Variants in EMSY observed in about 807,000 individuals in gnomAD.
EMSY encodes the protein BRCA2-interacting transcriptional repressor EMSY.
In EMSY, 26 loss-of-function variants were observed where a neutral mutation model predicts 134.6. The ratio of observed to expected loss-of-function variants is 0.19; its 90% CI spans 0.14 to 0.27. The LOEUF is 0.27. EMSY is among the 10% of genes least tolerant of loss of function. EMSY has a pLI of 1.00. For synonymous variants in EMSY, 579 were observed against 577.8 expected, an observed-to-expected ratio of 1.00 and a Z score of -0.03; for missense variants, 1,305 against 1,611.4, an observed-to-expected ratio of 0.81 and a Z score of 3.26.
intron 9 of EMSY, among the ~76,000 whole-genome samples, chr11:76,502,779 G>T (rs1260538647): frequency 6.6e-6 from 1 of 152,014 alleles, no homozygotes; most frequent in Non-Finnish European, 1.5e-5. Flanking sequence ...AACATTGAAA[G>T]AAATTAAAGA....
Position 76,544,356 on chromosome 11 carries a change from G to C in EMSY, c.2807G>C (p.Gly936Ala), listed in dbSNP as rs774216460. The change falls in exon 19 of 21, where the codon GGT becomes GCT. Residue 936 changes from glycine to alanine, a missense_variant. Physicochemically the swap from Gly to Ala is moderately conservative, Grantham distance 60 (BLOSUM62 0). Transcript: ENST00000334736. ...ATGGACACTTTAGACCCTCAGACAG[G>C]TCTGTTTTACCGATCTGCCCTGACT... 3 of 1,614,016 alleles carry C rather than the reference G, an allele frequency of 1.9e-6. No individual in the cohort carries two copies. The Admixed American group carries it at 5.0e-5, about 27-fold the overall frequency.
chr11:76,455,473 A>G (rs952587814), intron 4 of EMSY, among the ~76,000 whole-genome samples: 4 of 152,040 alleles, frequency 2.6e-5, no homozygotes, highest in East Asian at 1.9e-4. Context: ...AAGATTATCT[A>G]TAGGAGGGCT....
intron 14 of EMSY, 68 bp from the exon 16 acceptor site, chr11:76,535,823 ATTGT>A (rs895287930): frequency 5.3e-5 from 60 of 1,133,220 alleles, no homozygotes; most frequent in Admixed American, 3.2e-4. Flanking sequence ...AGACAAAAAA[ATTGT>A]TTGTTTTTTT....
intron 18 of EMSY, among the ~76,000 whole-genome samples, chr11:76,542,753 G>GTTTTTTGTTTTTTTTTTTTTTT (rs749234059): frequency 1.1e-4 from 12 of 109,218 alleles, no homozygotes; most frequent in South Asian, 2.9e-4. Context: ...TTCGTTTTTT[G>GTTTTTTGTTTTTTTTTTTTTTT]TTTTTTTTTT....
intron 4 of EMSY, among the ~76,000 whole-genome samples, chr11:76,455,289 T>G (rs1947824660): frequency 6.6e-6 from 1 of 152,170 alleles, no homozygotes; most frequent in Admixed American, 6.5e-5. Context: ...GCTTCTTAGG[T>G]TTTTCTATAT....
At chr11:76,449,574 T>G (rs1043544056) in intron 2 of EMSY, among the ~76,000 whole-genome samples, 5 of 152,242 alleles carry the variant, frequency 3.3e-5, no homozygotes, top group Admixed American at 3.3e-4. Flanking sequence ...TTCATTTCTT[T>G]TTATGGCATT....
intron 9 of EMSY, among the ~76,000 whole-genome samples, chr11:76,504,558 G>A (rs1950000607): frequency 6.6e-6 from 1 of 152,078 alleles, no homozygotes; most frequent in African/African-American, 2.4e-5. Flanking sequence ...AGAGAAACAG[G>A]AATCCTCATA....
intron 18 of EMSY, among the ~76,000 whole-genome samples, 185 bp from the exon 20 acceptor site, chr11:76,544,074 A>C (rs762501632): frequency 2.6e-5 from 4 of 152,172 alleles, no homozygotes; most frequent in Admixed American, 2.6e-4. Context: ...CCAGTTTTCG[A>C]AGCACTTACG....
chr11:76,473,329 C>T (rs950703364), intron 8 of EMSY, among the ~76,000 whole-genome samples: 3 of 150,986 alleles, frequency 2.0e-5, no homozygotes, highest in African/African-American at 4.9e-5. Context: ...CTCGTTGAGA[C>T]AGGGTCTCGC....
At position 76,537,848 on chromosome 11, in the gene EMSY, A is replaced by G. The variant is rs768079073; in HGVS notation, c.2413A>G (p.Met805Val). Reference sequence around the variant, plus strand: ...ACAACCCACTATTGACCTGAGTCAAATGGCAGTGCCTATTCAGATGACCCA... The same window carrying G: ...ACAACCCACTATTGACCTGAGTCAAGTGGCAGTGCCTATTCAGATGACCCA... The change falls in exon 16 of 21, where the codon ATG becomes GTG. Residue 805 changes from methionine to valine, a missense_variant. Transcript: ENST00000334736. The G allele has an allele frequency of 2.5e-6, 4 of 1,613,444 alleles. No homozygotes were observed. The South Asian group carries it at 3.3e-5, about 13-fold the overall frequency.
At chr11:76,532,135 T>A (rs1163320396) in intron 14 of EMSY, among the ~76,000 whole-genome samples, 1 of 152,160 alleles carries the variant, frequency 6.6e-6, no homozygotes, top group Non-Finnish European at 1.5e-5. Context: ...GTTATAATTG[T>A]TTTCTTTTCC....
At chr11:76,518,304 A>G (rs1462269457) in intron 11 of EMSY, among the ~76,000 whole-genome samples, 1 of 151,166 alleles carries the variant, frequency 6.6e-6, no homozygotes, top group Non-Finnish European at 1.5e-5. Flanking sequence ...GGTAGCTAAG[A>G]CTACAGGCCC....
chr11:76,489,315 CTTT>C (rs57048007), intron 8 of EMSY, among the ~76,000 whole-genome samples: 19 of 128,146 alleles, frequency 1.5e-4, no homozygotes, highest in Non-Finnish European at 1.7e-4. Flanking sequence ...TTCTTGTTTT[CTTT>C]TTTTTTTTTT....
intron 8 of EMSY, among the ~76,000 whole-genome samples, chr11:76,490,104 A>G (rs533893458): frequency 3.9e-5 from 6 of 151,946 alleles, no homozygotes; most frequent in Admixed American, 2.0e-4. Context: ...CATCTTGACA[A>G]TTGTTTTTAT....
chr11:76,465,096 T>C (rs1244183960), intron 7 of EMSY, among the ~76,000 whole-genome samples: 1 of 152,220 alleles, frequency 6.6e-6, no homozygotes, highest in Non-Finnish European at 1.5e-5. Flanking sequence ...TGGGCCCTTT[T>C]ATTCTGAATA....
At chr11:76,448,092 ACT>A (rs1262384378) in intron 2 of EMSY, among the ~76,000 whole-genome samples, 2 of 151,936 alleles carry the variant, frequency 1.3e-5, no homozygotes, top group Non-Finnish European at 2.9e-5. Context: ...AGAGGATAAC[ACT>A]CTCTGCCTCA....
intron 8 of EMSY, among the ~76,000 whole-genome samples, chr11:76,482,356 A>G (rs1949015203): frequency 6.6e-6 from 1 of 152,202 alleles, no homozygotes; most frequent in African/African-American, 2.4e-5. Context: ...CCAAAGGATC[A>G]TAACTCCTTG....
intron 17 of EMSY, among the ~76,000 whole-genome samples, chr11:76,540,497 A>T (rs1951395631): frequency 6.6e-6 from 1 of 152,240 alleles, no homozygotes; most frequent in African/African-American, 2.4e-5. Context: ...ACTACAGAAC[A>T]TTTATAAAAG....
rs148040833 is a variant in EMSY, at chr11:76,483,645, G to A, written c.1108+10805G>A. Among the ~76,000 whole-genome samples, 712 of 151,872 alleles carry A rather than the reference G, an allele frequency of 4.7e-3. 4 individuals are homozygous for A. The highest frequency in any genetic ancestry group is 0.016 in the African/African-American group (667 of 41,472). On this transcript the variant is annotated intron_variant, in intron 8 of 20. Coordinates refer to ENST00000334736, the Ensembl canonical transcript of EMSY. ...AGACTTTAAACCAACAAAGATCAAA[G>A]AAGACAAGGGCATTACATAATGGTA...
Sources: gnomAD v4.1 joint callset for allele counts (sites outside exome capture counted in the v4.1 genomes callset) on GRCh38, gnomAD v4.1.1 for gene constraint, MANE v1.5 for transcripts, NCBI Gene and HGNC (gene_info 2026-07-23, HGNC 2026-07-21) for gene names.